The following RAB3IL1 variants were observed in gnomAD, a reference collection of about 807,000 sequenced individuals.
RAB3IL1 encodes the protein RAB3A interacting protein like 1, also known as guanine nucleotide exchange factor for Rab-3A.
Under a neutral mutation model 49.2 loss-of-function variants are expected in RAB3IL1, and 37 were observed. The ratio of observed to expected loss-of-function variants is 0.75; its 90% confidence interval spans 0.58 to 0.99. The LOEUF (loss-of-function observed/expected upper bound fraction) is 0.99. Ranked by LOEUF, RAB3IL1 falls within the 50% of genes least tolerant of loss-of-function variation. RAB3IL1 has a pLI of 0.00. For missense variants in RAB3IL1, 484 were observed against 513.0 expected, an observed-to-expected ratio of 0.94 and a Z score of 0.55; for synonymous variants, 193 against 213.9, an observed-to-expected ratio of 0.90 and a Z score of 0.85.
chr11:61,919,305 C>A (rs1370796119), upstream of RAB3IL1, among the ~76,000 whole-genome samples: 1 of 152,170 alleles, frequency 6.6e-6, no homozygotes, highest in Non-Finnish European at 1.5e-5. Context: ...TCTTGAAGGA[C>A]AAGTCTGTGG....
chr11:61,935,791 A>C, the RAB3IL1 span, among the ~76,000 whole-genome samples: 1 of 152,148 alleles, frequency 6.6e-6, no homozygotes, highest in Admixed American at 6.5e-5. Context: ...CTGCGATTAC[A>C]GGGGTGAGCC....
the RAB3IL1 span, among the ~76,000 whole-genome samples, chr11:61,944,234 C>CCTTCCTTCCTTCCTTCCTTT: frequency 7.8e-6 from 1 of 128,136 alleles, no homozygotes; most frequent in Non-Finnish European, 1.7e-5. Flanking sequence ...TTCCTTCCTT[C>CCTTCCTTCCTTCCTTCCTTT]CTTCCTTCCT....
At position 61,898,824 on chromosome 11, in the gene RAB3IL1, G is replaced by A. The variant is rs1315332107; in HGVS notation, c.1067-464C>T. 2 of 468,448 alleles carry A rather than the reference G, an allele frequency of 4.3e-6. No homozygotes were observed. The highest frequency in any genetic ancestry group is 2.3e-5 in the Admixed American group (1 of 42,850). 29.0% of individuals were successfully genotyped at this position (468,448 alleles called of 1,614,324 possible). ...AAGAGGACTTGACCCCCAGGATGGA[G>A]AGGAGATAGCTCCTTACTCAGAGGG... is the stretch of plus-strand genomic sequence containing the variant. On this transcript the variant is annotated intron_variant, in intron 9 of 9. Transcript: ENST00000394836. This position sits in a 1 kb window ranked among gnomAD's most constrained non-coding sequence, Gnocchi z 5.1.
At chr11:61,924,404 G>A (rs1027601452), upstream of RAB3IL1, among the ~76,000 whole-genome samples, 32 of 152,180 alleles carry the variant, frequency 2.1e-4, no homozygotes, top group African/African-American at 7.7e-4. Context: ...TAAGCTCCAG[G>A]CCAGCCTCTG....
chr11:61,929,884 C>CTTTTTT, the RAB3IL1 span, among the ~76,000 whole-genome samples: 30 of 66,418 alleles, frequency 4.5e-4, no homozygotes, highest in East Asian at 1.7e-3. Context: ...CCGCGCCCGG[C>CTTTTTT]TTTTTTTTTT....
upstream of RAB3IL1, among the ~76,000 whole-genome samples, chr11:61,921,172 A>C (rs566584179): frequency 4.6e-5 from 7 of 151,870 alleles, no homozygotes; most frequent in African/African-American, 1.7e-4. Context: ...CTAATTTTTA[A>C]ATTTTTTTTA....
chr11:61,920,300 C>T, upstream of RAB3IL1: 1 of 1,226,760 alleles, frequency 8.2e-7, no homozygotes, highest in Non-Finnish European at 1.0e-6. Context: ...TTGCTATCTC[C>T]CCAGAGCAGC....
At chr11:61,904,502 G>C in intron 7 of RAB3IL1, 44 bp downstream of exon 7, 7 of 1,537,824 alleles carry the variant, frequency 4.6e-6, no homozygotes, top group Non-Finnish European at 6.2e-6. Flanking sequence ...GGCTTGGCGG[G>C]GCTTTCCCAC....
intron 8 of RAB3IL1, 75 bp downstream of exon 8, chr11:61,902,367 C>A: frequency 7.8e-7 from 1 of 1,275,056 alleles, no homozygotes; most frequent in East Asian, 2.5e-5. Context: ...TTCATACTCC[C>A]AGGCCCAGGG....
intron 1 of RAB3IL1, among the ~76,000 whole-genome samples, chr11:61,909,949 A>C (rs557533969): frequency 6.6e-6 from 1 of 152,362 alleles, no homozygotes; most frequent in East Asian, 1.9e-4. Context: ...TCTGCTAAAA[A>C]TACAAAAATT....
chr11:61,914,415 G>A (rs1939591513), intron 1 of RAB3IL1, among the ~76,000 whole-genome samples: 1 of 152,238 alleles, frequency 6.6e-6, no homozygotes, highest in African/African-American at 2.4e-5. Context: ...AAACTTGAAC[G>A]CTGGCTTCTG....
intron 1 of RAB3IL1, among the ~76,000 whole-genome samples, chr11:61,910,060 G>A (rs1039398276): frequency 1.9e-4 from 29 of 152,198 alleles, no homozygotes; most frequent in Admixed American, 5.9e-4. Context: ...AACAGCACTC[G>A]TGGTATTGTC....
At chr11:61,920,994 T>G (rs1002568080), upstream of RAB3IL1, among the ~76,000 whole-genome samples, 2 of 152,132 alleles carry the variant, frequency 1.3e-5, no homozygotes, top group Non-Finnish European at 2.9e-5. Context: ...TTCTTTTTCT[T>G]AGATTTGAGA....
upstream of RAB3IL1, among the ~76,000 whole-genome samples, chr11:61,924,558 C>A (rs1159142383): frequency 1.3e-5 from 2 of 152,144 alleles, no homozygotes; most frequent in Non-Finnish European, 2.9e-5. Flanking sequence ...GAAATGAATC[C>A]CTTCTCTGGC....
At chr11:61,928,335 A>G in the RAB3IL1 span, among the ~76,000 whole-genome samples, 4 of 152,184 alleles carry the variant, frequency 2.6e-5, no homozygotes, top group East Asian at 5.8e-4. Context: ...GGGCATCTAC[A>G]TGGTGCTAGG....
rs1275222598 is a variant in RAB3IL1, at chr11:61,899,530, A to T, written c.1000-150T>A. 7.8e-6 allele frequency: 5 copies of T among 644,614 alleles called. No homozygotes were observed. The African/African-American group carries it at 9.1e-5, about 12-fold the overall frequency. The allele number at this position is 644,614 out of a possible 1,614,324, so 39.9% of individuals were successfully genotyped here. On this transcript the variant is annotated intron_variant, in intron 8 of 9. Transcript: ENST00000394836. The stretch of plus-strand genomic sequence containing the variant: ...AGCTGGGACTGGGCTTTCAAGTAGT[A>T]ATCAACAACAGCATGACTAGCCCTG...
rs376558251 is a variant in RAB3IL1, at chr11:61,908,345, G to A, written c.12-39C>T. 7.3e-5 allele frequency: 104 copies of A among 1,418,596 alleles called. 1 individual carries two copies. The East Asian group carries it at 1.4e-3, about 19-fold the overall frequency. The allele number at this position is 1,418,596 out of a possible 1,614,324, so 87.9% of individuals were successfully genotyped here. On this transcript the variant is annotated intron_variant, in intron 1 of 9. Coordinates refer to ENST00000394836, the MANE Select transcript of RAB3IL1 (RefSeq NM_013401.4). ...AGGGTATCAGCAGGTTCAGGGTGGG[G>A]TCCTGAGGCCTGGAGAGCTGAGTCC...
chr11:61,942,248 G>A, the RAB3IL1 span, among the ~76,000 whole-genome samples: 6 of 152,110 alleles, frequency 3.9e-5, no homozygotes, highest in African/African-American at 1.4e-4. Flanking sequence ...TTAAACAGAT[G>A]CTTGAAGGCA....
intron 5 of RAB3IL1, among the ~76,000 whole-genome samples, chr11:61,905,587 CAG>C (rs913270496): frequency 3.3e-5 from 5 of 152,176 alleles, no homozygotes; most frequent in African/African-American, 1.2e-4. Flanking sequence ...GACAGGTGCA[CAG>C]AGACAGAACA....
Sources: allele counts gnomAD v4.1 joint callset (sites outside exome capture counted in the v4.1 genomes callset), GRCh38; gene constraint gnomAD v4.1.1; non-coding constraint Gnocchi (gnomAD v3.1); transcripts MANE v1.5; gene names NCBI Gene and HGNC (gene_info 2026-07-23, HGNC 2026-07-21).